Variants in R3HCC1 observed in about 807,000 individuals in gnomAD.
R3HCC1 encodes the protein R3H and coiled-coil domain-containing protein 1.
Under a neutral mutation model 40.0 loss-of-function variants are expected in R3HCC1, and 32 were observed. The ratio of observed to expected loss-of-function variants is 0.80; its 90% CI spans 0.60 to 1.07. The LOEUF (loss-of-function observed/expected upper bound fraction) is 1.07, where lower values mean the gene tolerates loss of function less well. Among genes scored for constraint, R3HCC1 ranks in the 50% least tolerant of loss-of-function variants. R3HCC1 has a pLI of 0.00. For synonymous variants in R3HCC1, 237 were observed against 232.8 expected, an observed-to-expected ratio of 1.02 and a Z score of -0.17; for missense variants, 586 against 563.3, an observed-to-expected ratio of 1.04 and a Z score of -0.41.
Position 23,293,342 on chromosome 8 carries a change from C to A in R3HCC1, c.1065C>A (p.His355Gln). Reference sequence around the variant, plus strand: ...GGATTCAGTGGGTGGATGATACTCACGCACTCGGCATCTTTCCCTGCCTGG... The same window carrying A: ...GGATTCAGTGGGTGGATGATACTCAAGCACTCGGCATCTTTCCCTGCCTGG... The change falls in exon 6 of 8, where the codon CAC becomes CAA. Residue 355 changes from histidine (H) to glutamine (Q), a missense_variant. By Grantham distance (24) the His-to-Gln change is conservative. Coordinates refer to ENST00000265806, the MANE Select transcript of R3HCC1 (RefSeq NM_001136108.3). 3.2e-6 allele frequency: 5 copies of A among 1,551,342 alleles called. No homozygotes were observed. Among genetic ancestry groups the A allele is most frequent in the Non-Finnish European group, 4.4e-6 (5 of 1,146,898 alleles).
chr8:23,295,850 G>T, intron 7 of R3HCC1, 117 bp from the exon 8 acceptor site: 2 of 1,364,134 alleles, frequency 1.5e-6, no homozygotes, highest in Non-Finnish European at 9.8e-7. Context: ...CTGGGCCGAG[G>T]CCCCACATGT....
intron 5 of R3HCC1, 48 bp downstream of exon 5, chr8:23,291,581 C>T: frequency 6.5e-7 from 1 of 1,541,298 alleles, no homozygotes; most frequent in Non-Finnish European, 8.8e-7. Context: ...AGCTAAGATA[C>T]TTCTCTGTAG....
chr8:23,295,756 C>G, intron 7 of R3HCC1: 1 of 646,092 alleles, frequency 1.5e-6, no homozygotes, highest in Non-Finnish European at 2.6e-6. Context: ...GTAGAGGCGA[C>G]AAGTTTGGGT....
Position 23,296,142 on chromosome 8 carries a change from G to A in R3HCC1, c.*45G>A. 6.5e-7 allele frequency: 1 copy of A among 1,527,170 alleles called. No individual in the cohort carries two copies. Among genetic ancestry groups the A allele is most frequent in the South Asian group, 1.2e-5 (1 of 81,282 alleles). 94.6% of individuals were successfully genotyped at this position (1,527,170 alleles called of 1,614,324 possible). A position where few individuals can be genotyped will look rare whatever the true frequency, so the allele number is the denominator to read the frequency against. Reference sequence around the variant, plus strand: ...CCTGGATCTGCGTCCCGACGTAGCTGGCGCCCCCAACACCATAAGCCTTCA... The same window carrying A: ...CCTGGATCTGCGTCCCGACGTAGCTAGCGCCCCCAACACCATAAGCCTTCA... On this transcript the variant is annotated 3_prime_UTR_variant, in exon 8 of 8. Transcript: ENST00000265806.
Position 23,289,120 on chromosome 8 carries a change from AGAG to A in R3HCC1, c.221_223del (p.Arg74del). 1.3e-6 allele frequency: 2 copies of A among 1,536,308 alleles called. No individual in the cohort carries two copies. Among genetic ancestry groups the A allele is most frequent in the African/African-American group, 1.4e-5 (1 of 73,170 alleles). ...AGCTTCTCCGTTGGGGAGGGCTGGA[AGAG>A]GAGGACGGTCATCTGTCACCAGGAC... On this transcript the variant is annotated inframe_deletion, in exon 3 of 8. Transcript: ENST00000265806.
Position 23,289,952 on chromosome 8 carries a change from A to AC in R3HCC1, c.337dup (p.Gln113ProfsTer22), listed in dbSNP as rs1398949189. The AC allele has an allele frequency of 1.3e-6, 2 of 1,536,008 alleles. No individual in the cohort carries two copies. The highest frequency in any genetic ancestry group is 2.7e-5 in the African/African-American group (2 of 73,012). On this transcript the variant is annotated frameshift_variant, in exon 4 of 8. Coordinates refer to ENST00000265806, the MANE Select transcript of R3HCC1 (RefSeq NM_001136108.3). LOFTEE classifies it high-confidence loss of function. Reference sequence around the variant, plus strand: ...TACCACGGTCCTCGGCCCATCTCCAACCAAGGAGCAGCTGCGGTTCCCCGA... The same window carrying AC: ...TACCACGGTCCTCGGCCCATCTCCAACCCAAGGAGCAGCTGCGGTTCCCCGA...
chr8:23,295,031 A>G (rs1802968292), intron 7 of R3HCC1, among the ~76,000 whole-genome samples, 167 bp downstream of exon 7: 1 of 152,006 alleles, frequency 6.6e-6, no homozygotes, highest in Non-Finnish European at 1.5e-5. Flanking sequence ...TGCAGTAGCC[A>G]GTGGGGCTGT....
At position 23,291,595 on chromosome 8, in the gene R3HCC1, G is replaced by A. The variant is rs1339438200; in HGVS notation, c.1025+62G>A. On this transcript the variant is annotated intron_variant, in intron 5 of 7. Coordinates refer to ENST00000265806, the MANE Select transcript of R3HCC1 (RefSeq NM_001136108.3). ...GAGCTAAGATACTTCTCTGTAGCTG[G>A]GGGTGCTTGCCTGCCCCACACCCAG... The A allele has an allele frequency of 2.0e-6, 3 of 1,534,564 alleles. No individual in the cohort carries two copies. In the African/African-American group the frequency reaches 4.1e-5, roughly 21 times the overall value.
chr8:23,288,677 G>A (rs1418604481), intron 2 of R3HCC1, 44 bp downstream of exon 2: 1 of 1,528,830 alleles, frequency 6.5e-7, no homozygotes, highest in African/African-American at 1.4e-5. Flanking sequence ...GCTGGGAAGG[G>A]CAGGGTTCCC....
chr8:23,291,426 C>A lies in R3HCC1; in HGVS notation c.918C>A (p.Phe306Leu). Residue 306 changes from phenylalanine (F) to leucine (L), a missense_variant, in exon 5 of 8, where the codon TTC (phenylalanine) becomes TTA (leucine). Transcript: ENST00000265806. ...AGATCCATTTGGACACATCCTCCTT[C>A]GTGGAGGAGCTGCCTGGAGAGAAGG... 6.4e-7 allele frequency: 1 copy of A among 1,551,670 alleles called. No homozygotes were observed. Among genetic ancestry groups the A allele is most frequent in the Non-Finnish European group, 8.7e-7 (1 of 1,146,876 alleles).
intron 2 of R3HCC1, 47 bp from the exon 3 acceptor site, chr8:23,288,969 G>T: frequency 6.5e-7 from 1 of 1,532,366 alleles, no homozygotes; most frequent in South Asian, 1.2e-5. Context: ...CCTGGTAGGG[G>T]CCAGGCCCTG....
chr8:23,294,739 A>G, intron 6 of R3HCC1, 30 bp from the exon 7 acceptor site: 1 of 1,519,134 alleles, frequency 6.6e-7, no homozygotes, highest in Non-Finnish European at 8.9e-7. Flanking sequence ...AGGAGGAGGG[A>G]GTGGCTCCAC....
In R3HCC1 at chr8:23,296,102, T is replaced by G; in HGVS notation, c.*5T>G. ...CGGGGTCCGCTGCCGCCCTGAGGCCTGGAGACCCAACTGGCCTGGATCTGC... is the reference window on the plus strand; with the variant it reads ...CGGGGTCCGCTGCCGCCCTGAGGCCGGGAGACCCAACTGGCCTGGATCTGC... On this transcript the variant is annotated 3_prime_UTR_variant, in exon 8 of 8. Transcript: ENST00000265806. 1 of 1,548,022 alleles carries G rather than the reference T, an allele frequency of 6.5e-7. No homozygotes were observed. The highest frequency in any genetic ancestry group is 8.7e-7 in the Non-Finnish European group (1 of 1,145,916).
intron 7 of R3HCC1, 36 bp from the exon 8 acceptor site, chr8:23,295,931 T>C (rs1165877829): frequency 6.6e-7 from 1 of 1,523,844 alleles, no homozygotes. Context: ...GCCACGACCT[T>C]GTGTTTAGGT....
rs540901840 is a variant in R3HCC1 at position 23,288,155 on chromosome 8, G to A, written c.-21G>A. Reference sequence around the variant, plus strand: ...GGCGGCTGCGACGCGCCGAGAGGCCGCGGTGAGTGCAGCAGCACTGGGGGG... The same window carrying A: ...GGCGGCTGCGACGCGCCGAGAGGCCACGGTGAGTGCAGCAGCACTGGGGGG... On this transcript the variant is annotated splice_region_variant and 5_prime_UTR_variant, in exon 1 of 8. Coordinates refer to ENST00000265806, the MANE Select transcript of R3HCC1 (RefSeq NM_001136108.3). 9.9e-5 allele frequency: 124 copies of A among 1,246,576 alleles called. No individual in the cohort carries two copies. Among genetic ancestry groups the A allele is most frequent in the Non-Finnish European group, 3.2e-5 (31 of 972,028 alleles). The allele number at this position is 1,246,576 out of a possible 1,614,324, so 77.2% of individuals were successfully genotyped here. A position where few individuals can be genotyped will look rare whatever the true frequency, so the allele number is the denominator to read the frequency against.
intron 5 of R3HCC1, 68 bp downstream of exon 5, chr8:23,291,601 C>T (rs1167895209): frequency 2.0e-6 from 3 of 1,529,686 alleles, no homozygotes; most frequent in South Asian, 1.2e-5. Context: ...GCTGGGGGTG[C>T]TTGCCTGCCC....
At chr8:23,293,796 T>TAGTA (rs778794435) in intron 6 of R3HCC1, among the ~76,000 whole-genome samples, 23 of 152,178 alleles carry the variant, frequency 1.5e-4, no homozygotes, top group Non-Finnish European at 3.2e-4. Context: ...TAGGTCAGGT[T>TAGTA]ACCTCCATTG....
At chr8:23,288,275 G>GGT in intron 1 of R3HCC1, 118 bp downstream of exon 1, 3 of 1,131,642 alleles carry the variant, frequency 2.7e-6, no homozygotes, top group Non-Finnish European at 3.5e-6. Context: ...CGCAGCGCAG[G>GGT]GTGTGGAGCC....
In R3HCC1 at chr8:23,289,864, A is replaced by AG. The variant is rs769443902; in HGVS notation, c.250dup. 1.3e-6 allele frequency: 2 copies of AG among 1,503,694 alleles called. No homozygotes were observed. The highest frequency in any genetic ancestry group is 2.5e-5 in the South Asian group (2 of 79,042). 93.1% of individuals were successfully genotyped at this position (1,503,694 alleles called of 1,614,324 possible). ...GATTACCTCCTCCCATTCCTGCTCCAGGGTACCCAGTTCGGATGGCCTCTC... is the reference window on the plus strand; with the variant it reads ...GATTACCTCCTCCCATTCCTGCTCCAGGGGTACCCAGTTCGGATGGCCTCTC... On this transcript the variant is annotated splice_acceptor_variant, in intron 3 of 7. Coordinates refer to ENST00000265806, the MANE Select transcript of R3HCC1 (RefSeq NM_001136108.3). LOFTEE classifies it high-confidence loss of function.
Sources: allele counts gnomAD v4.1 joint callset (sites outside exome capture counted in the v4.1 genomes callset), GRCh38; gene constraint gnomAD v4.1.1; transcripts MANE v1.5; gene names NCBI Gene and HGNC (gene_info 2026-07-23, HGNC 2026-07-21).